The following HCN1 variants were observed in gnomAD, a reference collection of about 807,000 sequenced individuals.
HCN1 encodes hyperpolarization activated cyclic nucleotide gated potassium channel 1, also known as potassium/sodium hyperpolarization-activated cyclic nucleotide-gated channel 1.
A neutral mutation model predicts 78.9 loss-of-function variants in HCN1; 13 were observed. That is an observed-to-expected ratio of 0.16 (90% CI 0.11 to 0.26). The LOEUF (loss-of-function observed/expected upper bound fraction) is 0.26, where lower values mean the gene tolerates loss of function less well. HCN1 is among the 10% of genes least tolerant of loss of function. The probability of loss-of-function intolerance (pLI) is 1.00; values close to 1 mark genes in which losing one functional copy is unlikely to be tolerated. For missense variants in HCN1, 810 were observed against 1,154.3 expected (o/e 0.70, Z 4.32); for synonymous variants, 552 against 455.5 (o/e 1.21, Z -2.70).
At chr5:45,656,777 CATA>C (rs1745770277) in intron 1 of HCN1, among the ~76,000 whole-genome samples, 1 of 152,220 alleles carries the variant, frequency 6.6e-6, no homozygotes, top group Non-Finnish European at 1.5e-5. Flanking sequence ...TTATAAATTT[CATA>C]ATATCTTTTT....
At chr5:45,322,414 G>A (rs573428202) in intron 5 of HCN1, among the ~76,000 whole-genome samples, 3 of 151,894 alleles carry the variant, frequency 2.0e-5, no homozygotes, top group African/African-American at 4.8e-5. Context: ...GCTTTCTCAT[G>A]TAATTATAAC....
intron 1 of HCN1, among the ~76,000 whole-genome samples, chr5:45,655,671 T>A (rs1745750290): frequency 6.6e-6 from 1 of 152,120 alleles, no homozygotes; most frequent in African/African-American, 2.4e-5. Context: ...TCTATGTCTT[T>A]TGATATAGAA....
At chr5:45,490,863 C>A (rs909901871) in intron 2 of HCN1, among the ~76,000 whole-genome samples, 1 of 152,098 alleles carries the variant, frequency 6.6e-6, no homozygotes, top group African/African-American at 2.4e-5. Flanking sequence ...GTACCCTTGA[C>A]CTTTCTATAC....
chr5:45,426,745 G>A (rs975795167), intron 3 of HCN1, among the ~76,000 whole-genome samples: 1 of 152,030 alleles, frequency 6.6e-6, no homozygotes. Context: ...AAGCACTCAA[G>A]TCTGCTCTTC....
At chr5:45,422,135 C>G (rs758676293) in intron 3 of HCN1, among the ~76,000 whole-genome samples, 1 of 152,176 alleles carries the variant, frequency 6.6e-6, no homozygotes, top group African/African-American at 2.4e-5. Context: ...GAGATGACAA[C>G]AAGAATCTGA....
At chr5:45,473,003 T>C (rs1741425809) in intron 2 of HCN1, among the ~76,000 whole-genome samples, 1 of 151,936 alleles carries the variant, frequency 6.6e-6, no homozygotes, top group African/African-American at 2.4e-5. Context: ...TGAACTGTTT[T>C]TTAATTGTTG....
intron 2 of HCN1, among the ~76,000 whole-genome samples, chr5:45,508,910 T>G (rs1478527095): frequency 2.0e-5 from 3 of 152,084 alleles, no homozygotes; most frequent in African/African-American, 7.2e-5. Flanking sequence ...ACAAATGGTT[T>G]TCATCATCAT....
chr5:45,612,847 A>T (rs1439560969), intron 2 of HCN1, among the ~76,000 whole-genome samples: 6 of 152,200 alleles, frequency 3.9e-5, no homozygotes. Context: ...CAATTATTGT[A>T]TTCCAGAGAA....
At chr5:45,561,297 C>G (rs926019915) in intron 2 of HCN1, among the ~76,000 whole-genome samples, 9 of 151,916 alleles carry the variant, frequency 5.9e-5, no homozygotes, top group Admixed American at 5.2e-4. Flanking sequence ...ATTGAATCCT[C>G]CTGAGTGTAA....
intron 1 of HCN1, among the ~76,000 whole-genome samples, chr5:45,676,210 C>A (rs1294646345): frequency 6.6e-6 from 1 of 151,698 alleles, no homozygotes; most frequent in Non-Finnish European, 1.5e-5. Flanking sequence ...TCCAGTATGA[C>A]CTGCTTTTTC....
intron 2 of HCN1, among the ~76,000 whole-genome samples, chr5:45,541,415 C>A (rs1743105616): frequency 1.3e-5 from 2 of 152,176 alleles, no homozygotes; most frequent in Admixed American, 6.5e-5. Context: ...CCTGTTTAAA[C>A]CTACCTGGCC....
chr5:45,569,816 T>C (rs987348954), intron 2 of HCN1, among the ~76,000 whole-genome samples: 7 of 152,062 alleles, frequency 4.6e-5, no homozygotes, highest in African/African-American at 1.7e-4. Context: ...TGGGCATCAT[T>C]ATTATCATCA....
rs974934321 is a variant in HCN1 at position 45,317,281 on chromosome 5, A to G, written c.1378-13442T>C. ...AATACCACACATCTACAACCATCTGATCTTTGACAAACTTGACAAAAACAA... is the reference window on the plus strand; with the variant it reads ...AATACCACACATCTACAACCATCTGGTCTTTGACAAACTTGACAAAAACAA... On this transcript the variant is annotated intron_variant, in intron 5 of 7. Transcript: ENST00000303230. Among the ~76,000 whole-genome samples, 3 of 152,194 alleles carry G rather than the reference A, an allele frequency of 2.0e-5. No homozygotes were observed. The East Asian group carries it at 5.8e-4, about 29-fold the overall frequency.
chr5:45,477,241 G>T (rs1741540266), intron 2 of HCN1, among the ~76,000 whole-genome samples: 1 of 152,064 alleles, frequency 6.6e-6, no homozygotes, highest in Admixed American at 6.6e-5. Context: ...GAGGTGAAGG[G>T]TAGACTATGA....
chr5:45,364,450 G>T (rs1489741734), intron 4 of HCN1, among the ~76,000 whole-genome samples: 2 of 151,154 alleles, frequency 1.3e-5, no homozygotes, highest in Admixed American at 1.3e-4. Context: ...CAATGGTCCA[G>T]CAGAGAACAA....
intron 5 of HCN1, among the ~76,000 whole-genome samples, chr5:45,349,486 A>T (rs945631253): frequency 1.3e-5 from 2 of 152,196 alleles, no homozygotes; most frequent in African/African-American, 2.4e-5. Flanking sequence ...GAGCAAATAC[A>T]TTCAAAATCT....
chr5:45,596,564 C>G (rs1744500858), intron 2 of HCN1, among the ~76,000 whole-genome samples: 1 of 152,116 alleles, frequency 6.6e-6, no homozygotes, highest in African/African-American at 2.4e-5. Context: ...CAGCAAAACT[C>G]CAGCTGTTAT....
intron 2 of HCN1, among the ~76,000 whole-genome samples, chr5:45,508,418 C>T (rs184611107): frequency 1.3e-5 from 2 of 152,152 alleles, no homozygotes; most frequent in Non-Finnish European, 2.9e-5. Context: ...ATGCTAGGCT[C>T]AATGTTCACA....
chr5:45,433,779 G>C (rs1740510626), intron 3 of HCN1, among the ~76,000 whole-genome samples: 1 of 152,082 alleles, frequency 6.6e-6, no homozygotes, highest in Non-Finnish European at 1.5e-5. Flanking sequence ...TTTATTTCCT[G>C]AGGAGAAGCA....
Sources: gnomAD v4.1 joint callset for allele counts (sites outside exome capture counted in the v4.1 genomes callset) on GRCh38, gnomAD v4.1.1 for gene constraint, MANE v1.5 for transcripts, NCBI Gene and HGNC (gene_info 2026-07-23, HGNC 2026-07-21) for gene names.